ARHGAP26: variants seen among roughly 807,000 people sequenced by gnomAD.
The protein encoded by ARHGAP26 is Rho GTPase activating protein 26, also known as rho GTPase-activating protein 26.
ARHGAP26 carries 38 observed loss-of-function variants against 104.8 expected under a neutral mutation model. The ratio of observed to expected loss-of-function variants is 0.36; its 90% CI spans 0.28 to 0.48. The LOEUF is 0.48. Among genes scored for constraint, ARHGAP26 ranks in the 20% least tolerant of loss-of-function variants. The pLI is 0.99. For synonymous variants in ARHGAP26, 341 were observed against 340.0 expected, an observed-to-expected ratio of 1.00 and a Z score of -0.03; for missense variants, 704 against 947.9, an observed-to-expected ratio of 0.74 and a Z score of 3.38.
chr5:142,842,539 A>G (rs566206190), intron 1 of ARHGAP26, among the ~76,000 whole-genome samples: 2 of 152,360 alleles, frequency 1.3e-5, no homozygotes, highest in South Asian at 4.1e-4. Flanking sequence ...ATAGAATAGA[A>G]TAAGTTCATC....
At chr5:143,134,775 AAGAGAGCC>A in intron 19 of ARHGAP26, among the ~76,000 whole-genome samples, 1 of 152,226 alleles carries the variant, frequency 6.6e-6, no homozygotes. Context: ...CCTTTGCTCT[AAGAGAGCC>A]TCCATTTGCT....
At chr5:143,108,666 A>G (rs541314706) in intron 17 of ARHGAP26, among the ~76,000 whole-genome samples, 6 of 152,274 alleles carry the variant, frequency 3.9e-5, no homozygotes, top group African/African-American at 1.4e-4. Flanking sequence ...TGCCAGTCAC[A>G]TGAGTTATTT....
chr5:142,981,917 C>T (rs982786428), intron 11 of ARHGAP26, among the ~76,000 whole-genome samples: 12 of 152,230 alleles, frequency 7.9e-5, no homozygotes, highest in Non-Finnish European at 1.6e-4. Context: ...TCTCTGTCTG[C>T]ATTTTACTCT....
At chr5:143,127,520 A>G (rs1378659378) in intron 18 of ARHGAP26, among the ~76,000 whole-genome samples, 1 of 152,120 alleles carries the variant, frequency 6.6e-6, no homozygotes, top group Non-Finnish European at 1.5e-5. Flanking sequence ...CCCCTTTTTA[A>G]TGTGTTAACT....
At chr5:143,030,754 C>G (rs1056054975) in intron 12 of ARHGAP26, among the ~76,000 whole-genome samples, 1 of 152,224 alleles carries the variant, frequency 6.6e-6, no homozygotes, top group Admixed American at 6.5e-5. Context: ...TTCACGTATC[C>G]AAAATGAAAA....
At chr5:143,043,416 G>A (rs1056079096) in intron 14 of ARHGAP26, among the ~76,000 whole-genome samples, 1 of 152,084 alleles carries the variant, frequency 6.6e-6, no homozygotes, top group Non-Finnish European at 1.5e-5. Flanking sequence ...CCATTGTATG[G>A]ATGTACTGCA....
intron 11 of ARHGAP26, among the ~76,000 whole-genome samples, chr5:142,976,137 G>T (rs2152714617): frequency 6.6e-6 from 1 of 152,236 alleles, no homozygotes; most frequent in Middle Eastern, 3.4e-3. Context: ...TAAAGATATG[G>T]TATCATCATA....
At chr5:143,131,219 G>C (rs1043989262) in intron 18 of ARHGAP26, among the ~76,000 whole-genome samples, 1 of 152,132 alleles carries the variant, frequency 6.6e-6, no homozygotes, top group Non-Finnish European at 1.5e-5. Context: ...AATTTTTCAC[G>C]CATCTGTCTA....
intron 14 of ARHGAP26, among the ~76,000 whole-genome samples, chr5:143,049,046 T>G (rs1228945477): frequency 6.6e-6 from 1 of 152,138 alleles, no homozygotes; most frequent in African/African-American, 2.4e-5. Context: ...AGTATCCATA[T>G]AATGAGTCAT....
At chr5:143,129,207 A>C (rs1316584310) in intron 18 of ARHGAP26, among the ~76,000 whole-genome samples, 1 of 152,272 alleles carries the variant, frequency 6.6e-6, no homozygotes, top group Non-Finnish European at 1.5e-5. Flanking sequence ...AACAGTAATT[A>C]TATTTACACT....
chr5:142,990,702 G>T (rs1388556415), intron 11 of ARHGAP26, among the ~76,000 whole-genome samples: 1 of 152,210 alleles, frequency 6.6e-6, no homozygotes, highest in Non-Finnish European at 1.5e-5. Flanking sequence ...TCAGCTGCAG[G>T]TCTGTTGGGG....
At chr5:142,837,358 T>C (rs537209898) in intron 1 of ARHGAP26, among the ~76,000 whole-genome samples, 17 of 152,220 alleles carry the variant, frequency 1.1e-4, no homozygotes, top group Non-Finnish European at 2.2e-4. Context: ...TGTTTTTTTT[T>C]TTCACCCTCT....
chr5:142,773,152 ATGCT>A (rs1755593500), intron 1 of ARHGAP26, among the ~76,000 whole-genome samples: 1 of 152,112 alleles, frequency 6.6e-6, no homozygotes, highest in African/African-American at 2.4e-5. Flanking sequence ...ATATCATGAG[ATGCT>A]TGCTGCGTGG....
At chr5:143,098,947 A>T (rs1041464322) in intron 17 of ARHGAP26, among the ~76,000 whole-genome samples, 1 of 152,212 alleles carries the variant, frequency 6.6e-6, no homozygotes, top group Non-Finnish European at 1.5e-5. Flanking sequence ...CTATGAGGCT[A>T]CCAGTAGAAA....
chr5:142,885,260 G>A (rs1451832264), intron 4 of ARHGAP26, 38 bp from the exon 5 acceptor site: 2 of 1,565,034 alleles, frequency 1.3e-6, no homozygotes, highest in Non-Finnish European at 1.8e-6. Context: ...CCTGCAACGT[G>A]TTACTCTTTT....
At chr5:142,892,406 G>T (rs1758795624) in intron 5 of ARHGAP26, among the ~76,000 whole-genome samples, 1 of 151,960 alleles carries the variant, frequency 6.6e-6, no homozygotes, top group Non-Finnish European at 1.5e-5. Flanking sequence ...TGTCACCTTA[G>T]TCAAGTTCCT....
chr5:142,869,201 CTTTTTT>C (rs1561985039), intron 1 of ARHGAP26, among the ~76,000 whole-genome samples: 5 of 129,976 alleles, frequency 3.8e-5, no homozygotes, highest in Non-Finnish European at 7.9e-5. Context: ...TTTTCTTTTT[CTTTTTT>C]CTTTTTTTTT....
chr5:142,963,172 G>GTGTATA (rs1491583193), intron 11 of ARHGAP26, among the ~76,000 whole-genome samples: 3 of 89,050 alleles, frequency 3.4e-5, no homozygotes, highest in Non-Finnish European at 6.4e-5. Flanking sequence ...TGGTATATAT[G>GTGTATA]TATATATATA....
chr5:143,027,374 G>A (rs1390494202), intron 12 of ARHGAP26, among the ~76,000 whole-genome samples: 1 of 149,280 alleles, frequency 6.7e-6, no homozygotes, highest in Admixed American at 6.7e-5. Flanking sequence ...AGTAGAGACA[G>A]GATTTCATCA....
Sources: allele counts gnomAD v4.1 joint callset (sites outside exome capture counted in the v4.1 genomes callset), GRCh38; gene constraint gnomAD v4.1.1; transcripts MANE v1.5; gene names NCBI Gene and HGNC (gene_info 2026-07-23, HGNC 2026-07-21).